The following SOX5 variants were observed in gnomAD, a reference collection of about 807,000 sequenced individuals.
SOX5 encodes the protein transcription factor SOX-5.
A neutral mutation model predicts 92.0 loss-of-function variants in SOX5; 9 were observed. The ratio of observed to expected loss-of-function variants is 0.10; its 90% CI spans 0.06 to 0.17. The LOEUF (loss-of-function observed/expected upper bound fraction) is 0.17, where lower values mean the gene tolerates loss of function less well. Among genes scored for constraint, SOX5 ranks in the 10% least tolerant of loss-of-function variants. The pLI is 1.00. For missense variants in SOX5, 642 were observed against 944.5 expected, an observed-to-expected ratio of 0.68 and a Z score of 4.20; for synonymous variants, 344 against 336.3, an observed-to-expected ratio of 1.02 and a Z score of -0.25.
intron 4 of SOX5, among the ~76,000 whole-genome samples, chr12:24,175,565 T>A (rs1002977206): frequency 6.6e-6 from 1 of 152,236 alleles, no homozygotes; most frequent in Admixed American, 6.5e-5. Flanking sequence ...AAAATGCCAC[T>A]TATAATCTAT....
At chr12:23,909,470 G>T (rs1467956130) in intron 1 of SOX5, among the ~76,000 whole-genome samples, 2 of 152,054 alleles carry the variant, frequency 1.3e-5, no homozygotes, top group Non-Finnish European at 2.9e-5. Flanking sequence ...TACAAAAATT[G>T]AAACAAAAAT....
chr12:24,284,993 C>T lies in SOX5; in HGVS notation c.-173-7681G>A, dbSNP rs145992024. On this transcript the variant is annotated intron_variant, in intron 2 of 4. Coordinates refer to the SOX5 transcript ENST00000446891. ...TACAAAAATTAGCTGGGCGTGGTGG[C>T]GGGCACCTATAATCCCAGCTACTTG... is the stretch of plus-strand genomic sequence containing the variant. Among the ~76,000 whole-genome samples, 1,350 of 152,082 alleles carry T rather than the reference C, an allele frequency of 8.9e-3. 16 individuals carry two copies. Among genetic ancestry groups the T allele is most frequent in the Middle Eastern group, 0.027 (8 of 294 alleles).
chr12:24,024,725 G>A (rs770093853), intron 4 of SOX5, among the ~76,000 whole-genome samples: 8 of 151,974 alleles, frequency 5.3e-5, no homozygotes, highest in Non-Finnish European at 1.2e-4. Context: ...GTTAGCATTG[G>A]ACAGAATATA....
chr12:23,590,218 C>T (rs1320058858), intron 9 of SOX5, among the ~76,000 whole-genome samples: 3 of 151,924 alleles, frequency 2.0e-5, no homozygotes, highest in Non-Finnish European at 2.9e-5. Flanking sequence ...CTGAAGTATA[C>T]ATTTCTGGAA....
chr12:24,133,280 A>C (rs904141893), intron 4 of SOX5, among the ~76,000 whole-genome samples: 3 of 152,202 alleles, frequency 2.0e-5, no homozygotes, highest in Non-Finnish European at 1.5e-5. Context: ...GTCATGAAGG[A>C]AAGTCTGGAA....
intron 4 of SOX5, among the ~76,000 whole-genome samples, chr12:24,191,863 G>C (rs1956560950): frequency 6.6e-6 from 1 of 152,178 alleles, no homozygotes; most frequent in Admixed American, 6.5e-5. Flanking sequence ...ACATTTCAGA[G>C]GCAGTGATAC....
chr12:24,462,975 T>C (rs1943812326), intron 1 of SOX5, among the ~76,000 whole-genome samples: 1 of 152,170 alleles, frequency 6.6e-6, no homozygotes, highest in Non-Finnish European at 1.5e-5. Context: ...CCTAGCACTT[T>C]GGGAGGCCAA....
At chr12:23,575,934 T>C (rs774957066) in intron 9 of SOX5, 96 bp from the exon 10 acceptor site, 17 of 876,636 alleles carry the variant, frequency 1.9e-5, no homozygotes, top group Non-Finnish European at 1.4e-5. Context: ...TCCCATCAAA[T>C]TACTCTACCA....
intron 4 of SOX5, among the ~76,000 whole-genome samples, chr12:24,016,745 C>A (rs570071886): frequency 1.3e-5 from 2 of 152,260 alleles, no homozygotes; most frequent in South Asian, 4.1e-4. Context: ...GACTACCAAC[C>A]TTTTCCAAAG....
intron 1 of SOX5, among the ~76,000 whole-genome samples, chr12:24,491,574 T>C (rs1176443924): frequency 6.6e-6 from 1 of 152,126 alleles, no homozygotes; most frequent in Admixed American, 6.5e-5. Context: ...AAAAGTCCTT[T>C]GAAGTACAGA....
chr12:23,795,988 G>C (rs1283328997), intron 3 of SOX5, among the ~76,000 whole-genome samples: 1 of 152,102 alleles, frequency 6.6e-6, no homozygotes, highest in Non-Finnish European at 1.5e-5. Context: ...TAATTTAAGA[G>C]TCTGAAACCT....
rs939612759 is a variant in SOX5 at position 23,802,283 on chromosome 12, T to C, written c.481+43700A>G. ...TTTTAGTAGAGACGGGGTTTCACCT[T>C]GTTAGCCAGGATGGTCTCGATCTCC... On this transcript the variant is annotated intron_variant, in intron 3 of 14. Coordinates refer to ENST00000451604, the MANE Select transcript of SOX5 (RefSeq NM_006940.6). 2.0e-5 allele frequency among the ~76,000 whole-genome samples: 3 copies of C among 152,190 alleles called. No individual in the cohort carries two copies. The East Asian group carries it at 5.8e-4, about 29-fold the overall frequency.
chr12:24,027,343 C>T (rs913957302), intron 4 of SOX5, among the ~76,000 whole-genome samples: 1 of 152,028 alleles, frequency 6.6e-6, no homozygotes, highest in African/African-American at 2.4e-5. Flanking sequence ...CTGCCTTTCA[C>T]ATCTTCATTT....
chr12:24,389,990 T>G lies in SOX5; in HGVS notation c.-250-21351A>C, dbSNP rs145504772. 6.8e-3 allele frequency among the ~76,000 whole-genome samples: 1,030 copies of G among 152,312 alleles called. 14 individuals are homozygous for G. Among genetic ancestry groups the G allele is most frequent in the African/African-American group, 0.024 (983 of 41,570 alleles). ...ATATTCTTATAACTACTTCCCTTAT[T>G]AAATTCTCCTCAAATCATTTCCTTT... On this transcript the variant is annotated intron_variant, in intron 1 of 4. Transcript: ENST00000446891.
intron 4 of SOX5, among the ~76,000 whole-genome samples, chr12:24,114,099 A>G (rs535562065): frequency 7.2e-5 from 11 of 152,308 alleles, no homozygotes; most frequent in African/African-American, 2.6e-4. Flanking sequence ...CTGCCCATTG[A>G]TAAGCTCTGT....
intron 9 of SOX5, among the ~76,000 whole-genome samples, chr12:23,603,066 C>T (rs2074721147): frequency 1.3e-5 from 2 of 151,850 alleles, no homozygotes; most frequent in South Asian, 2.1e-4. Flanking sequence ...GGTCTAAGGT[C>T]CTTGTCCAGG....
At chr12:23,629,154 TCA>T (rs1352520620) in intron 8 of SOX5, among the ~76,000 whole-genome samples, 1 of 152,030 alleles carries the variant, frequency 6.6e-6, no homozygotes, top group Non-Finnish European at 1.5e-5. Context: ...AAGAATTAAT[TCA>T]CAGAGCACAA....
intron 4 of SOX5, among the ~76,000 whole-genome samples, chr12:23,979,696 A>ATGTT (rs1949304833): frequency 3.6e-5 from 1 of 27,430 alleles, no homozygotes; most frequent in Non-Finnish European, 7.5e-5. Context: ...ATATATATAT[A>ATGTT]TGTTTTTTTT....
At chr12:23,862,647 G>C (rs2096768575) in intron 2 of SOX5, among the ~76,000 whole-genome samples, 1 of 152,110 alleles carries the variant, frequency 6.6e-6, no homozygotes, top group Non-Finnish European at 1.5e-5. Flanking sequence ...TTCTAGCCTT[G>C]TACATTCCAA....
Sources: allele counts gnomAD v4.1 joint callset (sites outside exome capture counted in the v4.1 genomes callset), GRCh38; gene constraint gnomAD v4.1.1; transcripts MANE v1.5; gene names NCBI Gene and HGNC (gene_info 2026-07-23, HGNC 2026-07-21).